The following KCNH8 variants were observed in gnomAD, a reference collection of about 807,000 sequenced individuals.
KCNH8 encodes the protein potassium voltage-gated channel subfamily H member 8.
Under a neutral mutation model 103.6 loss-of-function variants are expected in KCNH8, and 70 were observed. The observed-to-expected ratio is 0.68, with a 90% CI of 0.56 to 0.82. The LOEUF (loss-of-function observed/expected upper bound fraction) is 0.82, where lower values mean the gene tolerates loss of function less well. Among genes scored for constraint, KCNH8 ranks in the 40% least tolerant of loss-of-function variants. KCNH8 has a pLI of 0.00. For synonymous variants in KCNH8, 498 were observed against 489.4 expected (o/e 1.02, Z -0.23); for missense variants, 1,217 against 1,329.9 (o/e 0.92, Z 1.32).
intron 5 of KCNH8, among the ~76,000 whole-genome samples, chr3:19,361,291 A>G (rs74809886): frequency 8.0e-4 from 122 of 152,236 alleles, no homozygotes; most frequent in African/African-American, 2.6e-3. Flanking sequence ...TATTTAAAAT[A>G]AAGGAGATCC....
intron 3 of KCNH8, among the ~76,000 whole-genome samples, chr3:19,290,069 A>G (rs981823767): frequency 9.2e-5 from 14 of 152,080 alleles, no homozygotes; most frequent in Admixed American, 2.0e-4. Context: ...GTGTATAAGA[A>G]TGCTTGTGAT....
intron 1 of KCNH8, among the ~76,000 whole-genome samples, chr3:19,205,243 C>T (rs141957536): frequency 1.3e-5 from 2 of 151,808 alleles, no homozygotes; most frequent in African/African-American, 4.8e-5. Flanking sequence ...AGAACCTGGC[C>T]CTGATCTTAA....
intron 1 of KCNH8, among the ~76,000 whole-genome samples, chr3:19,164,765 A>G (rs2125188826): frequency 6.6e-6 from 1 of 152,364 alleles, no homozygotes; most frequent in South Asian, 2.1e-4. Context: ...GCAATGTTTT[A>G]TAAACAGTAT....
At chr3:19,498,793 T>A (rs990595062) in intron 11 of KCNH8, among the ~76,000 whole-genome samples, 3 of 152,120 alleles carry the variant, frequency 2.0e-5, no homozygotes, top group African/African-American at 7.2e-5. Flanking sequence ...TAGTTTTCCT[T>A]CTAACAGACA....
chr3:19,379,511 G>T (rs898566925), intron 5 of KCNH8, among the ~76,000 whole-genome samples: 3 of 152,024 alleles, frequency 2.0e-5, no homozygotes, highest in African/African-American at 7.2e-5. Flanking sequence ...GTGGTGGCAT[G>T]CACCTATAGT....
At chr3:19,288,979 A>G (rs1207069312) in intron 3 of KCNH8, among the ~76,000 whole-genome samples, 1 of 152,162 alleles carries the variant, frequency 6.6e-6, no homozygotes, top group Non-Finnish European at 1.5e-5. Context: ...TCTGATGGCC[A>G]GTGATGATGA....
intron 1 of KCNH8, among the ~76,000 whole-genome samples, chr3:19,217,265 TTATAAAAATC>T (rs2063827198): frequency 1.3e-5 from 2 of 152,196 alleles, no homozygotes; most frequent in African/African-American, 4.8e-5. Flanking sequence ...TTTCTATAGT[TTATAAAAATC>T]TATTATGTCC....
At chr3:19,523,151 G>C (rs1054441645) in intron 15 of KCNH8, among the ~76,000 whole-genome samples, 6 of 151,684 alleles carry the variant, frequency 4.0e-5, no homozygotes, top group African/African-American at 1.5e-4. Context: ...AGCTCTTATT[G>C]CTATTGAGTC....
chr3:19,482,840 A>T (rs1383142942), intron 11 of KCNH8, among the ~76,000 whole-genome samples: 1 of 152,194 alleles, frequency 6.6e-6, no homozygotes, highest in African/African-American at 2.4e-5. Context: ...CTATTTTGAT[A>T]GATAGTATTT....
intron 12 of KCNH8, among the ~76,000 whole-genome samples, chr3:19,510,612 G>T (rs2068767755): frequency 6.6e-6 from 1 of 152,170 alleles, no homozygotes; most frequent in South Asian, 2.1e-4. Flanking sequence ...TATAGTTATT[G>T]TTATAAAGCA....
intron 2 of KCNH8, among the ~76,000 whole-genome samples, chr3:19,274,804 A>G (rs2064639723): frequency 1.4e-5 from 2 of 143,270 alleles, no homozygotes; most frequent in South Asian, 2.3e-4. Flanking sequence ...CAATCAGTTA[A>G]TCATAACTTG....
chr3:19,310,633 TAATC>T (rs1295831448), intron 3 of KCNH8, among the ~76,000 whole-genome samples: 1 of 151,828 alleles, frequency 6.6e-6, no homozygotes, highest in Non-Finnish European at 1.5e-5. Flanking sequence ...ATGAGAATAA[TAATC>T]CTTAGATTAA....
intron 5 of KCNH8, among the ~76,000 whole-genome samples, chr3:19,349,373 T>A (rs182264355): frequency 1.9e-4 from 29 of 152,122 alleles, no homozygotes; most frequent in Middle Eastern, 3.4e-3. Context: ...CCACCCATGA[T>A]GCACACATAA....
chr3:19,281,806 C>T (rs2064760693), intron 3 of KCNH8, among the ~76,000 whole-genome samples: 1 of 152,028 alleles, frequency 6.6e-6, no homozygotes, highest in African/African-American at 2.4e-5. Flanking sequence ...AAATGTGAAT[C>T]CTGTACCTTA....
intron 2 of KCNH8, among the ~76,000 whole-genome samples, chr3:19,254,329 G>A (rs1317317575): frequency 6.6e-6 from 1 of 151,744 alleles, no homozygotes; most frequent in Non-Finnish European, 1.5e-5. Flanking sequence ...AAAAAAGGAA[G>A]TCAGTTAAAA....
rs148943508 is a variant in KCNH8 at position 19,226,380 on chromosome 3, C to G, written c.77-27274C>G. 4.4e-3 allele frequency among the ~76,000 whole-genome samples: 672 copies of G among 152,266 alleles called. 4 individuals carry two copies. Among genetic ancestry groups the G allele is most frequent in the African/African-American group, 0.015 (639 of 41,530 alleles). ...TTAGTAGTAGTAGTTAACAGAGACT[C>G]TCTGCCTTGAACATTACAAGGGCAT... On this transcript the variant is annotated intron_variant, in intron 1 of 15. Coordinates refer to ENST00000328405, the MANE Select transcript of KCNH8 (RefSeq NM_144633.3).
At chr3:19,336,454 C>T (rs2065586356) in intron 3 of KCNH8, among the ~76,000 whole-genome samples, 1 of 151,730 alleles carries the variant, frequency 6.6e-6, no homozygotes, top group South Asian at 2.1e-4. Flanking sequence ...ATGAATGTTC[C>T]ATGAGCATAT....
chr3:19,499,628 A>G (rs2068530065), intron 11 of KCNH8, among the ~76,000 whole-genome samples: 1 of 152,234 alleles, frequency 6.6e-6, no homozygotes, highest in Non-Finnish European at 1.5e-5. Context: ...AGTGGGGGCC[A>G]ATATTCAACA....
chr3:19,399,688 C>T (rs2066580365), intron 7 of KCNH8, among the ~76,000 whole-genome samples: 1 of 151,896 alleles, frequency 6.6e-6, no homozygotes, highest in Non-Finnish European at 1.5e-5. Context: ...TTATCACCAC[C>T]ACCTCTGCTC....
Sources: allele counts gnomAD v4.1 joint callset (sites outside exome capture counted in the v4.1 genomes callset), GRCh38; gene constraint gnomAD v4.1.1; transcripts MANE v1.5; gene names NCBI Gene and HGNC (gene_info 2026-07-23, HGNC 2026-07-21).